The following PRKG1 variants were observed in gnomAD, a reference collection of about 807,000 sequenced individuals.
The protein encoded by PRKG1 is protein kinase cGMP-dependent 1.
In PRKG1, 35 loss-of-function variants were observed where a neutral mutation model predicts 88.1. The ratio of observed to expected loss-of-function variants is 0.40; its 90% CI spans 0.30 to 0.53. PRKG1 has a LOEUF of 0.53. PRKG1 is among the 20% of genes least tolerant of loss of function. The pLI is 0.59. For synonymous variants in PRKG1, 303 were observed against 292.5 expected, an observed-to-expected ratio of 1.04 and a Z score of -0.37; for missense variants, 540 against 839.8, an observed-to-expected ratio of 0.64 and a Z score of 4.41.
intron 5 of PRKG1, among the ~76,000 whole-genome samples, chr10:51,948,533 TG>T (rs2133047470): frequency 9.1e-6 from 1 of 110,454 alleles, no homozygotes; most frequent in East Asian, 3.4e-4. Context: ...TCTGTGTGTG[TG>T]TGTGTGTGTG....
chr10:51,270,627 C>A (rs1839954122), intron 2 of PRKG1, among the ~76,000 whole-genome samples: 1 of 152,128 alleles, frequency 6.6e-6, no homozygotes, highest in East Asian at 1.9e-4. Flanking sequence ...TTAAATCTTT[C>A]TGGTTTTCAC....
intron 2 of PRKG1, among the ~76,000 whole-genome samples, chr10:51,391,610 T>A (rs1404595179): frequency 6.6e-6 from 1 of 152,220 alleles, no homozygotes; most frequent in African/African-American, 2.4e-5. Context: ...CCTTCTGAGT[T>A]AGGTGGAATG....
intron 4 of PRKG1, among the ~76,000 whole-genome samples, chr10:51,806,240 G>A (rs185739153): frequency 6.6e-6 from 1 of 152,284 alleles, no homozygotes; most frequent in African/African-American, 2.4e-5. Context: ...ATACCTAAGC[G>A]TTGGACACTT....
chr10:51,641,049 TATA>T (rs2132297397), intron 3 of PRKG1, among the ~76,000 whole-genome samples: 1 of 112,040 alleles, frequency 8.9e-6, no homozygotes, highest in African/African-American at 2.7e-5. Flanking sequence ...AAGAAACAAA[TATA>T]ATAAGATAAA....
chr10:51,846,759 G>A (rs1840409299), intron 4 of PRKG1, among the ~76,000 whole-genome samples: 1 of 152,032 alleles, frequency 6.6e-6, no homozygotes, highest in African/African-American at 2.4e-5. Context: ...GCTTGAAGAT[G>A]TTTTGAGGAT....
intron 3 of PRKG1, among the ~76,000 whole-genome samples, chr10:51,535,429 C>A (rs1028121425): frequency 1.3e-5 from 2 of 152,018 alleles, no homozygotes; most frequent in African/African-American, 4.8e-5. Flanking sequence ...TTAAGTGAGA[C>A]TTTTTTAAAA....
chr10:51,898,880 A>G (rs2132927343), intron 4 of PRKG1, among the ~76,000 whole-genome samples: 1 of 152,294 alleles, frequency 6.6e-6, no homozygotes, highest in Middle Eastern at 3.4e-3. Flanking sequence ...CATTTTATCT[A>G]CTTATAACCA....
chr10:52,166,793 A>ATC (rs1838457849), intron 9 of PRKG1, among the ~76,000 whole-genome samples: 1 of 8,386 alleles, frequency 1.2e-4, no homozygotes, highest in Non-Finnish European at 7.4e-4. Flanking sequence ...AAGCCTATAT[A>ATC]TATACATATA....
intron 3 of PRKG1, among the ~76,000 whole-genome samples, chr10:51,692,220 T>C (rs141523416): frequency 0.015 from 2,169 of 146,754 alleles, 57 homozygotes; most frequent in African/African-American, 0.056. Context: ...AAGCAAGCCC[T>C]ATATTGGCCT....
In PRKG1 at chr10:51,422,941, C is replaced by T. The variant is rs1270639310; in HGVS notation, c.479-44782C>T. Among the ~76,000 whole-genome samples the T allele has an allele frequency of 6.7e-5, 10 of 148,490 alleles. No individual in the cohort carries two copies. In the Admixed American group the frequency reaches 6.8e-4, roughly 10 times the overall value. On this transcript the variant is annotated intron_variant, in intron 2 of 17. Coordinates refer to ENST00000373980, the MANE Select transcript of PRKG1 (RefSeq NM_006258.4). Reference sequence around the variant, plus strand: ...AGATGTTTTTACAAAGTATACAGCACTTGATCTCCATTGAAATAGGTTTTT... The same window carrying T: ...AGATGTTTTTACAAAGTATACAGCATTTGATCTCCATTGAAATAGGTTTTT...
Position 51,020,290 on chromosome 10 carries a change from C to A in PRKG1, c.266+28646C>A, listed in dbSNP as rs530712339. On this transcript the variant is annotated intron_variant, in intron 1 of 17. Coordinates refer to the PRKG1 transcript ENST00000401604. ...ATTACAGGCATGTTGAGATTACAGG[C>A]GTGAGCCACTGAGCCTGGTCAATTT... Among the ~76,000 whole-genome samples, 4 of 152,242 alleles carry A rather than the reference C, an allele frequency of 2.6e-5. No homozygotes were observed. The South Asian group carries it at 8.3e-4, about 32-fold the overall frequency.
intron 5 of PRKG1, among the ~76,000 whole-genome samples, chr10:52,018,819 G>A (rs1434106007): frequency 1.3e-5 from 2 of 152,188 alleles, no homozygotes; most frequent in African/African-American, 4.8e-5. Context: ...CCTGGAGTGA[G>A]CTAGTGAAAA....
chr10:51,673,944 A>G (rs1840646063), intron 3 of PRKG1, among the ~76,000 whole-genome samples: 1 of 152,106 alleles, frequency 6.6e-6, no homozygotes. Context: ...CCCTTTGGAT[A>G]GTGTCACAAT....
At chr10:51,702,515 G>A (rs972086133) in intron 3 of PRKG1, among the ~76,000 whole-genome samples, 1 of 152,030 alleles carries the variant, frequency 6.6e-6, no homozygotes. Context: ...GATATTTATA[G>A]CATGGCATAC....
chr10:51,961,375 C>G (rs1029164814), intron 5 of PRKG1, among the ~76,000 whole-genome samples: 2 of 142,852 alleles, frequency 1.4e-5, no homozygotes, highest in African/African-American at 2.7e-5. Flanking sequence ...GGAGGGCCCA[C>G]TGTATTTATT....
intron 3 of PRKG1, among the ~76,000 whole-genome samples, chr10:51,669,249 T>G (rs1840496833): frequency 6.6e-6 from 1 of 152,190 alleles, no homozygotes; most frequent in Admixed American, 6.6e-5. Context: ...GGCGCCAGCA[T>G]AGTTGGGTTC....
chr10:51,017,233 C>T lies in PRKG1; in HGVS notation c.266+25589C>T, dbSNP rs1181707396. ...GTAGCACCCTTTATTTATCCATCAT[C>T]CAAAGTAGCACTTGGAATCAATATT... is the stretch of plus-strand genomic sequence containing the variant. On this transcript the variant is annotated intron_variant, in intron 1 of 17. Coordinates refer to the PRKG1 transcript ENST00000401604. 2.0e-5 allele frequency among the ~76,000 whole-genome samples: 3 copies of T among 152,030 alleles called. No individual in the cohort carries two copies. In the East Asian group the frequency reaches 5.8e-4, roughly 29 times the overall value.
intron 3 of PRKG1, among the ~76,000 whole-genome samples, chr10:51,579,905 A>G (rs1837987678): frequency 6.6e-6 from 1 of 152,144 alleles, no homozygotes; most frequent in Non-Finnish European, 1.5e-5. Context: ...GATATATGAA[A>G]TCAAACTGTC....
chr10:51,921,638 G>A (rs1418400773), intron 5 of PRKG1, among the ~76,000 whole-genome samples: 1 of 152,018 alleles, frequency 6.6e-6, no homozygotes, highest in Non-Finnish European at 1.5e-5. Context: ...GTTAAATTTT[G>A]TGAAATGCTT....
Sources: gnomAD v4.1 joint callset for allele counts (sites outside exome capture counted in the v4.1 genomes callset) on GRCh38, gnomAD v4.1.1 for gene constraint, MANE v1.5 for transcripts, NCBI Gene and HGNC (gene_info 2026-07-23, HGNC 2026-07-21) for gene names.